Variants in TRHDE observed in about 807,000 individuals in gnomAD.
The protein encoded by TRHDE is thyrotropin-releasing hormone-degrading ectoenzyme.
A neutral mutation model predicts 125.7 loss-of-function variants in TRHDE; 72 were observed. That is an observed-to-expected ratio of 0.57 (90% CI 0.47 to 0.70). TRHDE has a LOEUF of 0.70. TRHDE is among the 30% of genes least tolerant of loss of function. The probability of loss-of-function intolerance (pLI) is 0.00; values close to 1 mark genes in which losing one functional copy is unlikely to be tolerated. For synonymous variants in TRHDE, 509 were observed against 509.1 expected (o/e 1.00, Z 0.00); for missense variants, 1,110 against 1,327.1 (o/e 0.84, Z 2.54).
At chr12:72,095,286 A>C (rs1212836967) in intron 1 of TRHDE, among the ~76,000 whole-genome samples, 2 of 152,204 alleles carry the variant, frequency 1.3e-5, no homozygotes, top group African/African-American at 2.4e-5. Flanking sequence ...ACTTTTATTT[A>C]AATAGCATAA....
intron 2 of TRHDE, among the ~76,000 whole-genome samples, chr12:72,127,225 G>A (rs1875734775): frequency 6.6e-6 from 1 of 152,150 alleles, no homozygotes; most frequent in Non-Finnish European, 1.5e-5. Context: ...AAAAGAGAAT[G>A]CTTATACACT....
intron 3 of TRHDE, among the ~76,000 whole-genome samples, chr12:72,467,380 C>T (rs943804067): frequency 1.1e-4 from 16 of 152,154 alleles, no homozygotes; most frequent in Non-Finnish European, 2.1e-4. Context: ...TATTTTTTCT[C>T]TCTCTTAGCA....
intron 2 of TRHDE, among the ~76,000 whole-genome samples, chr12:72,377,631 C>A (rs187743077): frequency 7.8e-4 from 119 of 152,240 alleles, no homozygotes; most frequent in African/African-American, 2.8e-3. Context: ...GCCAAGCCAC[C>A]ATATCCTGCC....
intron 2 of TRHDE, among the ~76,000 whole-genome samples, chr12:72,350,528 A>T (rs1870535594): frequency 6.6e-6 from 1 of 152,086 alleles, no homozygotes; most frequent in Non-Finnish European, 1.5e-5. Flanking sequence ...GCAGAGTAAC[A>T]GATTGATACC....
At chr12:72,520,347 G>A (rs901912970) in intron 6 of TRHDE, among the ~76,000 whole-genome samples, 1 of 152,186 alleles carries the variant, frequency 6.6e-6, no homozygotes, top group Non-Finnish European at 1.5e-5. Context: ...CTCGTGGTGC[G>A]CCATTTTTTA....
At chr12:72,182,327 T>G (rs1313359185) in intron 2 of TRHDE, among the ~76,000 whole-genome samples, 1 of 152,138 alleles carries the variant, frequency 6.6e-6, no homozygotes, top group Non-Finnish European at 1.5e-5. Flanking sequence ...TTGTTTGAAT[T>G]AAGAGCTGTA....
chr12:72,494,994 T>A (rs1877842344), intron 5 of TRHDE, among the ~76,000 whole-genome samples: 1 of 151,818 alleles, frequency 6.6e-6, no homozygotes, highest in Admixed American at 6.6e-5. Context: ...AACTGGATTT[T>A]TTTTAGCATA....
At chr12:72,457,449 C>T (rs1260437829) in intron 3 of TRHDE, among the ~76,000 whole-genome samples, 1 of 152,100 alleles carries the variant, frequency 6.6e-6, no homozygotes, top group Non-Finnish European at 1.5e-5. Context: ...CCTGTTTATA[C>T]AACTAGCTCT....
intron 6 of TRHDE, among the ~76,000 whole-genome samples, chr12:72,513,939 C>A (rs1878715206): frequency 6.6e-6 from 1 of 152,076 alleles, no homozygotes; most frequent in Non-Finnish European, 1.5e-5. Context: ...ATTACCTGTT[C>A]CAAACTTTGG....
At chr12:72,295,069 TCCGCAGCTGTGGTTTGGGTGA>T (rs1369913430) in intron 2 of TRHDE, among the ~76,000 whole-genome samples, 14 of 148,648 alleles carry the variant, frequency 9.4e-5, no homozygotes, top group African/African-American at 2.5e-4. Flanking sequence ...GATGCTTGAG[TCCGCAGCTGTGGTTTGGGTGA>T]CCGCAGCTGT....
intron 15 of TRHDE, among the ~76,000 whole-genome samples, chr12:72,646,775 A>G (rs7303841): frequency 0.15 from 23,408 of 152,082 alleles, 2,440 homozygotes; most frequent in East Asian, 0.54. Flanking sequence ...TCAAACCACT[A>G]GAAAGATATA....
intron 2 of TRHDE, among the ~76,000 whole-genome samples, chr12:72,320,992 G>T (rs530200337): frequency 3.3e-5 from 5 of 152,118 alleles, no homozygotes; most frequent in Admixed American, 6.6e-5. Flanking sequence ...GCTTTGATTC[G>T]AAGTGAAGGA....
intron 2 of TRHDE, among the ~76,000 whole-genome samples, chr12:72,174,837 C>T (rs1876953192): frequency 6.6e-6 from 1 of 152,116 alleles, no homozygotes; most frequent in South Asian, 2.1e-4. Context: ...CACCTCATTT[C>T]TCCACTGTAA....
chr12:72,377,944 A>C (rs759803446), intron 2 of TRHDE, 51 bp from the exon 3 acceptor site: 73 of 1,339,668 alleles, frequency 5.4e-5, no homozygotes, highest in Admixed American at 5.5e-5. Context: ...AGGGAAGATA[A>C]AACTCAAGTG....
chr12:72,242,041 C>A (rs1878492140), intron 2 of TRHDE, among the ~76,000 whole-genome samples: 1 of 152,134 alleles, frequency 6.6e-6, no homozygotes, highest in African/African-American at 2.4e-5. Context: ...ATTCTGGATA[C>A]AAATTCTTTG....
chr12:72,195,106 C>T (rs1017590270), intron 2 of TRHDE, among the ~76,000 whole-genome samples: 1 of 152,160 alleles, frequency 6.6e-6, no homozygotes, highest in Admixed American at 6.5e-5. Context: ...GGAAAAGCCC[C>T]TCATAAAACC....
At chr12:72,474,861 GA>G (rs896811116) in intron 5 of TRHDE, among the ~76,000 whole-genome samples, 1 of 149,292 alleles carries the variant, frequency 6.7e-6, no homozygotes, top group Non-Finnish European at 1.5e-5. Flanking sequence ...CTCCTGCTGA[GA>G]AAAAAAAATG....
At chr12:72,146,640 T>C (rs1429301969) in intron 2 of TRHDE, among the ~76,000 whole-genome samples, 1 of 152,196 alleles carries the variant, frequency 6.6e-6, no homozygotes, top group African/African-American at 2.4e-5. Context: ...TGCAGAGGCC[T>C]CGGCAAGTGC....
intron 2 of TRHDE, among the ~76,000 whole-genome samples, chr12:72,369,403 A>C (rs1249496551): frequency 6.6e-6 from 1 of 152,176 alleles, no homozygotes. Flanking sequence ...AATACACAGG[A>C]GTAAAGGATG....
Sources: gnomAD v4.1 joint callset for allele counts (sites outside exome capture counted in the v4.1 genomes callset) on GRCh38, gnomAD v4.1.1 for gene constraint, MANE v1.5 for transcripts, NCBI Gene and HGNC (gene_info 2026-07-23, HGNC 2026-07-21) for gene names.